The following DAGLA variants were observed in gnomAD, a reference collection of about 807,000 sequenced individuals.
DAGLA encodes diacylglycerol lipase alpha.
A neutral mutation model predicts 102.6 loss-of-function variants in DAGLA; 22 were observed. The ratio of observed to expected loss-of-function variants is 0.21; its 90% CI spans 0.15 to 0.31. The LOEUF is 0.31. Ranked by LOEUF, DAGLA falls within the 10% of genes least tolerant of loss-of-function variation. The pLI, the probability that DAGLA is intolerant of heterozygous loss-of-function variation, is 1.00. For missense variants in DAGLA, 927 were observed against 1,446.6 expected, an observed-to-expected ratio of 0.64 and a Z score of 5.83; for synonymous variants, 578 against 628.9, an observed-to-expected ratio of 0.92 and a Z score of 1.21.
intron 19 of DAGLA, 110 bp from the exon 20 acceptor site, chr11:61,743,422 A>G: frequency 2.5e-6 from 2 of 790,518 alleles, no homozygotes; most frequent in Non-Finnish European, 1.9e-6. Flanking sequence ...AACAACTGCT[A>G]AATGAACTGT....
intron 1 of DAGLA, among the ~76,000 whole-genome samples, chr11:61,688,144 G>A (rs1461342544): frequency 6.6e-6 from 1 of 151,958 alleles, no homozygotes; most frequent in Non-Finnish European, 1.5e-5. Context: ...GTGAAACCCC[G>A]TCTCACTAAA....
At chr11:61,719,484 C>T (rs1051403357) in intron 1 of DAGLA, among the ~76,000 whole-genome samples, 1 of 152,242 alleles carries the variant, frequency 6.6e-6, no homozygotes, top group Non-Finnish European at 1.5e-5. Flanking sequence ...AGTCATAGAG[C>T]ACGCTCTTGG....
At position 61,734,882 on chromosome 11, in the gene DAGLA, C is replaced by T; in HGVS notation, c.1008C>T (p.Ala336=). The change falls in exon 10 of 20, where the codon GCC becomes GCT. Residue 336 remains alanine (A), a synonymous_variant. Transcript: ENST00000257215. The surrounding 1 kb of genome is among the most constrained non-coding windows in gnomAD (Gnocchi z 4.2). ...CCLCPARPRF[A]PGVTIEEDNC... is the part of the protein sequence containing the mutation. ...TGTGTCCTGCGAGGCCGCGGTTCGC[C>T]CCTGGAGTCACCATCGAGGAAGACA... 9.3e-6 allele frequency: 15 copies of T among 1,614,064 alleles called. No homozygotes were observed. Among genetic ancestry groups the T allele is most frequent in the Non-Finnish European group, 1.2e-5 (14 of 1,179,942 alleles).
intron 1 of DAGLA, among the ~76,000 whole-genome samples, chr11:61,688,142 C>G (rs1419236249): frequency 6.6e-6 from 1 of 151,960 alleles, no homozygotes; most frequent in Non-Finnish European, 1.5e-5. Context: ...TGGTGAAACC[C>G]CGTCTCACTA....
At chr11:61,685,996 T>A (rs2064983357) in intron 1 of DAGLA, among the ~76,000 whole-genome samples, 1 of 152,116 alleles carries the variant, frequency 6.6e-6, no homozygotes, top group South Asian at 2.1e-4. Context: ...GCATGGGCAT[T>A]CACTGAAGTG....
chr11:61,685,140 C>A (rs553912699), intron 1 of DAGLA, among the ~76,000 whole-genome samples: 1 of 152,070 alleles, frequency 6.6e-6, no homozygotes, highest in Non-Finnish European at 1.5e-5. Flanking sequence ...GTAGTTATGA[C>A]TTCAGACTCT....
rs1389638744 is a variant in DAGLA, at chr11:61,744,691, C to A, written c.*202C>A. On this transcript the variant is annotated 3_prime_UTR_variant, in exon 20 of 20. Coordinates refer to ENST00000257215, the MANE Select transcript of DAGLA (RefSeq NM_006133.3). ...GAGCCAAGGTGGCTGGGATCTGGCC[C>A]CACAGATGGGGAAAGATGGGGAAGG... 6 of 551,966 alleles carry A rather than the reference C, an allele frequency of 1.1e-5. No individual in the cohort carries two copies. Among genetic ancestry groups the A allele is most frequent in the Non-Finnish European group, 1.9e-5 (6 of 315,980 alleles). The allele number at this position is 551,966 out of a possible 1,614,324, so 34.2% of individuals were successfully genotyped here.
Position 61,735,900 on chromosome 11 carries a change from T to C in DAGLA, c.1290+84T>C. The C allele has an allele frequency of 3.8e-6, 5 of 1,316,798 alleles. No homozygotes were observed. In the South Asian group the frequency reaches 5.3e-5, roughly 14 times the overall value. The allele number at this position is 1,316,798 out of a possible 1,614,324, so 81.6% of individuals were successfully genotyped here. On this transcript the variant is annotated intron_variant, in intron 12 of 19. Transcript: ENST00000257215. ...AGAGGCGTGTATGGTTGGGGGTTCC[T>C]CCCTGCTCGCTGGGCTCACTGGAAG... is the stretch of plus-strand genomic sequence containing the variant.
In DAGLA at chr11:61,726,100, G is replaced by T; in HGVS notation, c.636+18G>T. On this transcript the variant is annotated intron_variant, in intron 6 of 19. Transcript: ENST00000257215. The stretch of plus-strand genomic sequence containing the variant: ...CCCAGTCAGTAAGTACTGGGAGGTC[G>T]CTCCCCTCTGGCTCACATCCTGTGG... The T allele has an allele frequency of 6.2e-7, 1 of 1,603,522 alleles. No homozygotes were observed. Among genetic ancestry groups the T allele is most frequent in the Non-Finnish European group, 8.5e-7 (1 of 1,175,126 alleles).
intron 8 of DAGLA, 84 bp downstream of exon 8, chr11:61,729,092 G>A: frequency 7.9e-7 from 1 of 1,268,848 alleles, no homozygotes; most frequent in Non-Finnish European, 1.1e-6. Context: ...CCTCCCAGCT[G>A]CCCTTGCAGT....
At position 61,722,850 on chromosome 11, in the gene DAGLA, T is replaced by C. The variant is rs762473549; in HGVS notation, c.308-9T>C. On this transcript the variant is annotated splice_polypyrimidine_tract_variant and intron_variant, in intron 3 of 19. Coordinates refer to ENST00000257215, the MANE Select transcript of DAGLA (RefSeq NM_006133.3). ...AGCCATCCTTCAGCCAGGCCTGCTC[T>C]CCTTGCAGCCATCCTGGTGATCGAG... 6 of 1,612,966 alleles carry C rather than the reference T, an allele frequency of 3.7e-6. No individual in the cohort carries two copies. In the South Asian group the frequency reaches 6.6e-5, roughly 18 times the overall value.
At chr11:61,732,686 G>A (rs370905345) in intron 9 of DAGLA, among the ~76,000 whole-genome samples, 3 of 152,102 alleles carry the variant, frequency 2.0e-5, no homozygotes, top group East Asian at 3.9e-4. Context: ...ACCTCATGAG[G>A]GCCCAGCCAG....
chr11:61,724,952 G>A (rs2065312239), intron 5 of DAGLA, among the ~76,000 whole-genome samples: 1 of 152,098 alleles, frequency 6.6e-6, no homozygotes, highest in Non-Finnish European at 1.5e-5. Context: ...CCTTCTCCTT[G>A]TGGCCATTTG....
rs2065405397 is a variant in DAGLA, at chr11:61,734,391, T to A, written c.975-458T>A. Among the ~76,000 whole-genome samples the A allele has an allele frequency of 6.6e-6, 1 of 151,792 alleles. No individual in the cohort carries two copies. Among genetic ancestry groups the A allele is most frequent in the African/African-American group, 2.4e-5 (1 of 41,288 alleles). On this transcript the variant is annotated intron_variant, in intron 9 of 19. Transcript: ENST00000257215. This position sits in a 1 kb window ranked among gnomAD's most constrained non-coding sequence, Gnocchi z 4.2. Reference sequence around the variant, plus strand: ...TTGAGAGCTGGCAGGGTGTCAGGTGTCCGAGAGAGGTGCTGGCTAGGCCAT... The same window carrying A: ...TTGAGAGCTGGCAGGGTGTCAGGTGACCGAGAGAGGTGCTGGCTAGGCCAT...
In DAGLA at chr11:61,739,677, G is replaced by T. The variant is rs2065459584; in HGVS notation, c.1853+16G>T. ...AGCAGTGCTGGTAGGTTCTGCCAGG[G>T]TCTGCTGCTGCAGGGGGTAGTGGCC... On this transcript the variant is annotated intron_variant, in intron 17 of 19. Coordinates refer to ENST00000257215, the MANE Select transcript of DAGLA (RefSeq NM_006133.3). 1.2e-6 allele frequency: 2 copies of T among 1,610,996 alleles called. No individual in the cohort carries two copies. Among genetic ancestry groups the T allele is most frequent in the Non-Finnish European group, 1.7e-6 (2 of 1,179,178 alleles).
At chr11:61,733,179 C>A (rs2065390916) in intron 9 of DAGLA, among the ~76,000 whole-genome samples, 2 of 152,238 alleles carry the variant, frequency 1.3e-5, no homozygotes, top group Non-Finnish European at 1.5e-5. Flanking sequence ...GGCTGAGTGA[C>A]CTCCAGGCCC....
intron 1 of DAGLA, among the ~76,000 whole-genome samples, chr11:61,689,186 C>T (rs1337627579): frequency 3.3e-5 from 5 of 152,280 alleles, no homozygotes; most frequent in Non-Finnish European, 4.4e-5. Flanking sequence ...ACAGCTGCCC[C>T]GCTGCAGTTT....
intron 1 of DAGLA, among the ~76,000 whole-genome samples, chr11:61,713,968 A>G (rs1206615859): frequency 6.6e-6 from 1 of 152,208 alleles, no homozygotes; most frequent in East Asian, 1.9e-4. Flanking sequence ...CCCATTCGTC[A>G]TGGAAATGGG....
Position 61,734,528 on chromosome 11 carries a change from G to A in DAGLA, c.975-321G>A, listed in dbSNP as rs2065406619. Among the ~76,000 whole-genome samples, 1 of 152,096 alleles carries A rather than the reference G, an allele frequency of 6.6e-6. No homozygotes were observed. The highest frequency in any genetic ancestry group is 1.5e-5 in the Non-Finnish European group (1 of 68,010). On this transcript the variant is annotated intron_variant, in intron 9 of 19. Coordinates refer to ENST00000257215, the MANE Select transcript of DAGLA (RefSeq NM_006133.3). The surrounding 1 kb of genome is among the most constrained non-coding windows in gnomAD (Gnocchi z 4.2). ...GCATGGAGGAGCCAGTGCCCCCAGA[G>A]GGACCCCAGGGCTTCAGTGTTGGGT... is the stretch of plus-strand genomic sequence containing the variant.
Sources: allele counts gnomAD v4.1 joint callset (sites outside exome capture counted in the v4.1 genomes callset), GRCh38; gene constraint gnomAD v4.1.1; non-coding constraint Gnocchi (gnomAD v3.1); transcripts MANE v1.5; gene names NCBI Gene and HGNC (gene_info 2026-07-23, HGNC 2026-07-21).